The following EBF1 variants were observed in gnomAD, a reference collection of about 807,000 sequenced individuals.
EBF1 encodes the protein transcription factor COE1.
EBF1 carries 10 observed loss-of-function variants against 68.4 expected under a neutral mutation model. That is an observed-to-expected ratio of 0.15 (90% CI 0.09 to 0.25). EBF1 has a LOEUF of 0.25. Among genes scored for constraint, EBF1 ranks in the 10% least tolerant of loss-of-function variants. The pLI, the probability that EBF1 is intolerant of heterozygous loss-of-function variation, is 1.00. For synonymous variants in EBF1, 298 were observed against 299.8 expected (o/e 0.99, Z 0.06); for missense variants, 509 against 794.4 (o/e 0.64, Z 4.32).
intron 10 of EBF1, among the ~76,000 whole-genome samples, chr5:158,748,574 T>C (rs1768097670): frequency 6.6e-6 from 1 of 152,168 alleles, no homozygotes; most frequent in Non-Finnish European, 1.5e-5. Context: ...GTCTGAAGGC[T>C]GGCATTCTCA....
chr5:158,828,388 G>C (rs1056057013), intron 7 of EBF1, among the ~76,000 whole-genome samples: 1 of 152,042 alleles, frequency 6.6e-6, no homozygotes. Context: ...CCATTAGAGA[G>C]GTCTCTAATC....
chr5:158,989,145 C>T (rs1759750296), intron 6 of EBF1, among the ~76,000 whole-genome samples: 1 of 152,198 alleles, frequency 6.6e-6, no homozygotes, highest in African/African-American at 2.4e-5. Context: ...CCACCTCCAA[C>T]ACCTAATTGA....
At chr5:158,822,520 G>C (rs947521741) in intron 8 of EBF1, among the ~76,000 whole-genome samples, 1 of 152,150 alleles carries the variant, frequency 6.6e-6, no homozygotes, top group Non-Finnish European at 1.5e-5. Flanking sequence ...CCACTGATTA[G>C]CCATAATTCT....
At chr5:158,932,003 G>A (rs139193207) in intron 6 of EBF1, among the ~76,000 whole-genome samples, 216 of 152,264 alleles carry the variant, frequency 1.4e-3, no homozygotes, top group Non-Finnish European at 2.6e-3. Context: ...TGGCAAAGAT[G>A]TCAAGTAATG....
At chr5:158,913,965 C>A (rs1374158059) in intron 6 of EBF1, among the ~76,000 whole-genome samples, 1 of 152,196 alleles carries the variant, frequency 6.6e-6, no homozygotes, top group Non-Finnish European at 1.5e-5. Context: ...AATGAGCTGG[C>A]AGATGCTTTC....
At chr5:159,061,776 G>C (rs941563882) in intron 6 of EBF1, among the ~76,000 whole-genome samples, 2 of 151,876 alleles carry the variant, frequency 1.3e-5, no homozygotes, top group African/African-American at 4.8e-5. Context: ...AGCCGCGGAG[G>C]AATCTAACTG....
At chr5:158,833,347 C>T (rs556416624) in intron 7 of EBF1, among the ~76,000 whole-genome samples, 1 of 151,832 alleles carries the variant, frequency 6.6e-6, no homozygotes, top group Admixed American at 6.6e-5. Flanking sequence ...CCACCCCACA[C>T]TGTTTTTCTC....
chr5:158,827,665 A>G (rs943951724), intron 7 of EBF1, among the ~76,000 whole-genome samples: 2 of 152,164 alleles, frequency 1.3e-5, no homozygotes, highest in African/African-American at 4.8e-5. Context: ...TCTAAGATTC[A>G]TGAAGCATAA....
intron 6 of EBF1, among the ~76,000 whole-genome samples, chr5:158,895,067 CTTGTCCAAATTTATTTACCA>C (rs754476375): frequency 9.7e-4 from 148 of 152,272 alleles, no homozygotes; most frequent in Non-Finnish European, 1.6e-3. Flanking sequence ...CTATAAGAAT[CTTGTCCAAATTTATTTACCA>C]TTGTCCAAAT....
At chr5:158,813,056 A>G (rs1335899532) in intron 8 of EBF1, among the ~76,000 whole-genome samples, 2 of 152,120 alleles carry the variant, frequency 1.3e-5, no homozygotes, top group Admixed American at 1.3e-4. Context: ...CCCAACCCTT[A>G]CAGCCCTCTC....
At chr5:158,798,075 A>T (rs1342030183) in intron 8 of EBF1, among the ~76,000 whole-genome samples, 1 of 152,220 alleles carries the variant, frequency 6.6e-6, no homozygotes, top group Non-Finnish European at 1.5e-5. Context: ...GAAGCAAGTT[A>T]TAAGAGAAAT....
At chr5:159,051,867 C>T (rs894161997) in intron 6 of EBF1, among the ~76,000 whole-genome samples, 4 of 152,134 alleles carry the variant, frequency 2.6e-5, no homozygotes, top group Non-Finnish European at 5.9e-5. Context: ...TCGGCCACCA[C>T]CACCCTTTTA....
At chr5:159,088,226 T>A (rs755619180) in intron 4 of EBF1, among the ~76,000 whole-genome samples, 3 of 152,126 alleles carry the variant, frequency 2.0e-5, no homozygotes, top group Non-Finnish European at 4.4e-5. Flanking sequence ...GAAATCAACA[T>A]CCTGATTGGA....
chr5:159,049,882 G>T (rs1773184291), intron 6 of EBF1, among the ~76,000 whole-genome samples: 3 of 152,192 alleles, frequency 2.0e-5, no homozygotes, highest in Admixed American at 6.5e-5. Context: ...CATCCCGGTT[G>T]TCCTACAAAA....
chr5:159,082,071 A>G (rs766883302), intron 5 of EBF1, among the ~76,000 whole-genome samples: 25 of 152,264 alleles, frequency 1.6e-4, no homozygotes, highest in Non-Finnish European at 3.1e-4. Flanking sequence ...TTCAGACAGA[A>G]CACAATGGAT....
intron 6 of EBF1, among the ~76,000 whole-genome samples, chr5:158,905,053 AG>A (rs1804282670): frequency 6.6e-6 from 1 of 152,226 alleles, no homozygotes; most frequent in Admixed American, 6.5e-5. Flanking sequence ...AGCTTCTCAC[AG>A]GCAAATCTGC....
intron 7 of EBF1, among the ~76,000 whole-genome samples, chr5:158,832,373 G>A (rs1385906931): frequency 6.6e-6 from 1 of 152,168 alleles, no homozygotes; most frequent in Non-Finnish European, 1.5e-5. Context: ...TAATATATCA[G>A]GTTGAAAATC....
At chr5:158,754,393 C>A (rs1769590358) in intron 10 of EBF1, among the ~76,000 whole-genome samples, 1 of 152,114 alleles carries the variant, frequency 6.6e-6, no homozygotes, top group African/African-American at 2.4e-5. Context: ...CCACAGCATT[C>A]ACAAACATCT....
In EBF1 at chr5:158,937,387, G is replaced by A. The variant is rs118133662; in HGVS notation, c.555-97277C>T. Among the ~76,000 whole-genome samples, 636 of 152,172 alleles carry A rather than the reference G, an allele frequency of 4.2e-3. 35 individuals are homozygous for A. In the East Asian group the frequency reaches 0.11, roughly 26 times the overall value. ...GCAAATTGGACAGAAATCAAAGAAG[G>A]GAAGCCACGAGGATTAAAGAGAACA... On this transcript the variant is annotated intron_variant, in intron 6 of 15. Transcript: ENST00000313708.
Sources: allele counts gnomAD v4.1 joint callset (sites outside exome capture counted in the v4.1 genomes callset), GRCh38; gene constraint gnomAD v4.1.1; transcripts MANE v1.5; gene names NCBI Gene and HGNC (gene_info 2026-07-23, HGNC 2026-07-21).